Variants in CCDC85A observed in about 807,000 individuals in gnomAD.
CCDC85A encodes the protein coiled-coil domain containing 85A, also known as coiled-coil domain-containing protein 85A.
A neutral mutation model predicts 50.2 loss-of-function variants in CCDC85A; 38 were observed. The ratio of observed to expected loss-of-function variants is 0.76; its 90% CI spans 0.58 to 0.99. The LOEUF (loss-of-function observed/expected upper bound fraction) is 0.99. Among genes scored for constraint, CCDC85A ranks in the 50% least tolerant of loss-of-function variants. The pLI is 0.00. For missense variants in CCDC85A, 820 were observed against 742.0 expected (o/e 1.11, Z -1.22); for synonymous variants, 366 against 301.4 (o/e 1.21, Z -2.22).
intron 2 of CCDC85A, among the ~76,000 whole-genome samples, chr2:56,233,773 T>G (rs930227827): frequency 1.3e-5 from 2 of 152,208 alleles, no homozygotes; most frequent in South Asian, 4.1e-4. Context: ...AACCAATCCC[T>G]GAATTGCAGC....
At chr2:56,324,341 A>AG (rs973176208) in intron 2 of CCDC85A, among the ~76,000 whole-genome samples, 9 of 152,112 alleles carry the variant, frequency 5.9e-5, no homozygotes, top group Admixed American at 3.3e-4. Flanking sequence ...TCTTCTGTCA[A>AG]GGGGGAAATA....
chr2:56,325,349 G>A (rs1673411369), intron 2 of CCDC85A, among the ~76,000 whole-genome samples: 1 of 151,974 alleles, frequency 6.6e-6, no homozygotes, highest in South Asian at 2.1e-4. Flanking sequence ...TGGTTTCTCA[G>A]GAAGCATAAA....
At chr2:56,277,557 C>T (rs1671010539) in intron 2 of CCDC85A, among the ~76,000 whole-genome samples, 2 of 152,220 alleles carry the variant, frequency 1.3e-5, no homozygotes, top group South Asian at 4.1e-4. Context: ...AGTACCCTAA[C>T]TTTGACTTGC....
chr2:56,227,542 T>C (rs902349494), intron 2 of CCDC85A, among the ~76,000 whole-genome samples: 1 of 152,180 alleles, frequency 6.6e-6, no homozygotes, highest in Non-Finnish European at 1.5e-5. Flanking sequence ...GTAGATGGCA[T>C]GTCTGGATCT....
At chr2:56,338,118 G>A (rs887575074) in intron 2 of CCDC85A, among the ~76,000 whole-genome samples, 1 of 152,094 alleles carries the variant, frequency 6.6e-6, no homozygotes. Context: ...GTACTTTGTA[G>A]CTGAGAATTT....
chr2:56,371,087 A>T (rs1676048188), intron 3 of CCDC85A, among the ~76,000 whole-genome samples: 1 of 152,130 alleles, frequency 6.6e-6, no homozygotes, highest in South Asian at 2.1e-4. Context: ...TGGACTAATT[A>T]TCAAAAGAGC....
intron 2 of CCDC85A, among the ~76,000 whole-genome samples, chr2:56,262,874 G>A (rs1012359946): frequency 1.3e-5 from 2 of 152,148 alleles, no homozygotes; most frequent in African/African-American, 4.8e-5. Context: ...CATTTGGTTT[G>A]CCCACTTCTC....
intron 2 of CCDC85A, among the ~76,000 whole-genome samples, chr2:56,218,648 CAA>C (rs1488954225): frequency 6.6e-6 from 1 of 151,778 alleles, no homozygotes; most frequent in African/African-American, 2.4e-5. Context: ...ATTTGTCCCC[CAA>C]ATATCCTTTA....
At chr2:56,241,807 T>G (rs1669269544) in intron 2 of CCDC85A, among the ~76,000 whole-genome samples, 1 of 152,260 alleles carries the variant, frequency 6.6e-6, no homozygotes, top group East Asian at 1.9e-4. Context: ...CAGATATCTC[T>G]TTGATATACT....
intron 3 of CCDC85A, among the ~76,000 whole-genome samples, chr2:56,355,582 A>C (rs1390476811): frequency 6.6e-6 from 1 of 152,198 alleles, no homozygotes; most frequent in East Asian, 1.9e-4. Flanking sequence ...TAGGTTAGTG[A>C]TATAGAAGCA....
chr2:56,187,877 G>A (rs568007697), intron 1 of CCDC85A, among the ~76,000 whole-genome samples: 1 of 152,338 alleles, frequency 6.6e-6, no homozygotes, highest in Admixed American at 6.5e-5. Flanking sequence ...CAGTATCCCA[G>A]TTGGGGGCTG....
chr2:56,320,854 C>T (rs1228905527), intron 2 of CCDC85A, among the ~76,000 whole-genome samples: 1 of 152,096 alleles, frequency 6.6e-6, no homozygotes, highest in Non-Finnish European at 1.5e-5. Flanking sequence ...GAATTTTAGA[C>T]CAATATCCCT....
chr2:56,265,094 C>A (rs1670379903), intron 2 of CCDC85A, among the ~76,000 whole-genome samples: 1 of 152,104 alleles, frequency 6.6e-6, no homozygotes, highest in African/African-American at 2.4e-5. Flanking sequence ...GACTTCATGA[C>A]CTGTGATGCT....
At chr2:56,228,458 A>G (rs1449645069) in intron 2 of CCDC85A, among the ~76,000 whole-genome samples, 3 of 152,078 alleles carry the variant, frequency 2.0e-5, no homozygotes, top group Non-Finnish European at 4.4e-5. Flanking sequence ...TATTATTGCT[A>G]GTATTAGTAT....
intron 2 of CCDC85A, among the ~76,000 whole-genome samples, chr2:56,315,319 T>C (rs1398389596): frequency 6.6e-6 from 1 of 152,110 alleles, no homozygotes; most frequent in East Asian, 1.9e-4. Context: ...CAGCTCACTT[T>C]TTCTCCCCCT....
Position 56,300,312 on chromosome 2 carries a change from T to A in CCDC85A, c.1241-42567T>A, listed in dbSNP as rs375931030. On this transcript the variant is annotated intron_variant, in intron 2 of 5. Coordinates refer to ENST00000407595, the MANE Select transcript of CCDC85A (RefSeq NM_001080433.2). Reference sequence around the variant, plus strand: ...AAAGTAGGTCTAAATTAATATTTGTTGAATAAGTAAATGAACATGGAAAAT... The same window carrying A: ...AAAGTAGGTCTAAATTAATATTTGTAGAATAAGTAAATGAACATGGAAAAT... 5.3e-5 allele frequency among the ~76,000 whole-genome samples: 8 copies of A among 152,316 alleles called. No homozygotes were observed. The East Asian group carries it at 1.3e-3, about 26-fold the overall frequency.
intron 2 of CCDC85A, among the ~76,000 whole-genome samples, chr2:56,243,618 C>T (rs1034831128): frequency 6.6e-6 from 1 of 152,190 alleles, no homozygotes; most frequent in African/African-American, 2.4e-5. Context: ...ATATCTTTAT[C>T]TCTCCAGGCT....
intron 5 of CCDC85A, 123 bp downstream of exon 5, chr2:56,376,058 G>T (rs1209581160): frequency 3.9e-6 from 4 of 1,013,088 alleles, no homozygotes; most frequent in Non-Finnish European, 5.4e-6. Flanking sequence ...ACTCCTTATG[G>T]TGTAACTTTT....
In CCDC85A at chr2:56,359,350, C is replaced by T. The variant is rs572503654; in HGVS notation, c.1318-12994C>T. 2.7e-4 allele frequency among the ~76,000 whole-genome samples: 41 copies of T among 152,206 alleles called. No individual in the cohort carries two copies. The East Asian group carries it at 7.5e-3, about 28-fold the overall frequency. ...TGCATTTGACTTGAAAAGGGAAGATCCTCCCATATAGAAGGGACAATTGTT... is the reference window on the plus strand; with the variant it reads ...TGCATTTGACTTGAAAAGGGAAGATTCTCCCATATAGAAGGGACAATTGTT... On this transcript the variant is annotated intron_variant, in intron 3 of 5. Transcript: ENST00000407595.
Sources: allele counts gnomAD v4.1 joint callset (sites outside exome capture counted in the v4.1 genomes callset), GRCh38; gene constraint gnomAD v4.1.1; transcripts MANE v1.5; gene names NCBI Gene and HGNC (gene_info 2026-07-23, HGNC 2026-07-21).